The following TAFA2 variants were observed in gnomAD, a reference collection of about 807,000 sequenced individuals.
The protein encoded by TAFA2 is TAFA chemokine like family member 2.
In TAFA2, 7 loss-of-function variants were observed where a neutral mutation model predicts 18.8. That is an observed-to-expected ratio of 0.37 (90% confidence interval 0.21 to 0.70). The LOEUF (loss-of-function observed/expected upper bound fraction) is 0.70, where lower values mean the gene tolerates loss of function less well. TAFA2 is among the 30% of genes least tolerant of loss of function. The probability of loss-of-function intolerance (pLI) is 0.53; values close to 1 mark genes in which losing one functional copy is unlikely to be tolerated. For synonymous variants in TAFA2, 60 were observed against 54.2 expected (o/e 1.11, Z -0.47); for missense variants, 122 against 158.1 (o/e 0.77, Z 1.23).
intron 1 of TAFA2, among the ~76,000 whole-genome samples, chr12:61,935,596 A>C (rs780273620): frequency 6.6e-6 from 1 of 152,220 alleles, no homozygotes; most frequent in Non-Finnish European, 1.5e-5. Context: ...AAAAAATAAT[A>C]TGAAATTCTT....
intron 1 of TAFA2, chr12:62,252,033 C>T (rs888774426): frequency 6.6e-6 from 1 of 152,196 alleles, no homozygotes; most frequent in African/African-American, 2.4e-5. Flanking sequence ...TACATAGATT[C>T]CATTGCAAAG....
intron 4 of TAFA2, among the ~76,000 whole-genome samples, chr12:61,749,614 T>C (rs1027929829): frequency 3.3e-5 from 5 of 152,142 alleles, no homozygotes; most frequent in Admixed American, 3.3e-4. Context: ...AATCAACTTA[T>C]ATTTGAAGGA....
chr12:61,930,155 T>A (rs1386521480), intron 1 of TAFA2, among the ~76,000 whole-genome samples: 1 of 150,960 alleles, frequency 6.6e-6, no homozygotes, highest in Non-Finnish European at 1.5e-5. Context: ...TTAATAATAA[T>A]AAAAAAATAA....
rs540872692 is a variant in TAFA2 at position 61,894,227 on chromosome 12, C to A, written c.-1-26801G>T. ...ACCAAAGTTGAGGTTTTTCTAAATACAAATTAGACATTCCTAAATAACATT... is the reference window on the plus strand; with the variant it reads ...ACCAAAGTTGAGGTTTTTCTAAATAAAAATTAGACATTCCTAAATAACATT... On this transcript the variant is annotated intron_variant, in intron 1 of 4. Coordinates refer to ENST00000416284, the MANE Select transcript of TAFA2 (RefSeq NM_178539.5). Among the ~76,000 whole-genome samples the A allele has an allele frequency of 2.0e-5, 3 of 152,252 alleles. No homozygotes were observed. The East Asian group carries it at 5.8e-4, about 29-fold the overall frequency.
chr12:61,894,470 C>G (rs761058873), intron 1 of TAFA2, among the ~76,000 whole-genome samples: 4 of 152,096 alleles, frequency 2.6e-5, no homozygotes, highest in Non-Finnish European at 5.9e-5. Context: ...GTTATAAATG[C>G]AGATTAGCAG....
chr12:61,886,981 A>G (rs184237482), intron 1 of TAFA2, among the ~76,000 whole-genome samples: 6 of 152,240 alleles, frequency 3.9e-5, no homozygotes, highest in African/African-American at 1.4e-4. Flanking sequence ...AAATAAGGAA[A>G]ATCATAATGC....
chr12:62,202,179 A>C (rs937890832), intron 1 of TAFA2, among the ~76,000 whole-genome samples: 1 of 151,900 alleles, frequency 6.6e-6, no homozygotes, highest in African/African-American at 2.4e-5. Flanking sequence ...ATTTTTTTCA[A>C]AAAACAAGCT....
intron 1 of TAFA2, among the ~76,000 whole-genome samples, chr12:62,157,204 T>C (rs1009061577): frequency 6.6e-6 from 1 of 152,218 alleles, no homozygotes; most frequent in Non-Finnish European, 1.5e-5. Context: ...AGACTTATTG[T>C]GTTTTTTTCT....
chr12:61,991,797 G>A (rs1880020362), intron 1 of TAFA2, among the ~76,000 whole-genome samples: 1 of 152,114 alleles, frequency 6.6e-6, no homozygotes, highest in Non-Finnish European at 1.5e-5. Flanking sequence ...CGCTAAAACA[G>A]CTCCTGTCAA....
intron 2 of TAFA2, among the ~76,000 whole-genome samples, chr12:61,829,310 G>A (rs181283189): frequency 4.0e-4 from 61 of 151,724 alleles, no homozygotes; most frequent in Admixed American, 6.6e-4. Flanking sequence ...TTTTAATGCC[G>A]TATCAGGCAT....
At chr12:61,888,624 G>T (rs984261090) in intron 1 of TAFA2, among the ~76,000 whole-genome samples, 2 of 152,200 alleles carry the variant, frequency 1.3e-5, no homozygotes, top group Admixed American at 1.3e-4. Context: ...GTGAGAGGGT[G>T]CGTTTAAAAG....
At chr12:62,033,453 C>G (rs1462822716) in intron 1 of TAFA2, among the ~76,000 whole-genome samples, 1 of 152,046 alleles carries the variant, frequency 6.6e-6, no homozygotes, top group Non-Finnish European at 1.5e-5. Flanking sequence ...TGATCAGATC[C>G]CAAAGACTCT....
At chr12:61,770,828 T>C (rs1411972048) in intron 2 of TAFA2, among the ~76,000 whole-genome samples, 1 of 151,628 alleles carries the variant, frequency 6.6e-6, no homozygotes, top group Non-Finnish European at 1.5e-5. Context: ...AATAATGAAA[T>C]GGAAAAAAGA....
chr12:62,123,251 A>G (rs753658733), intron 1 of TAFA2, among the ~76,000 whole-genome samples: 16 of 152,190 alleles, frequency 1.1e-4, no homozygotes, highest in Non-Finnish European at 2.2e-4. Flanking sequence ...TAGAAGCTCA[A>G]TAAGTCTGTT....
At chr12:61,879,976 T>A in intron 1 of TAFA2, 1 of 835,580 alleles carries the variant, frequency 1.2e-6, no homozygotes, top group Non-Finnish European at 2.1e-6. Flanking sequence ...AAGGGCTGAC[T>A]GATGAGATCA....
intron 1 of TAFA2, among the ~76,000 whole-genome samples, chr12:62,062,618 T>C (rs1882380688): frequency 6.6e-6 from 1 of 152,204 alleles, no homozygotes; most frequent in Non-Finnish European, 1.5e-5. Flanking sequence ...CCATAACAAA[T>C]TAACACAAAC....
At chr12:61,790,177 T>TA (rs1555165637) in intron 2 of TAFA2, among the ~76,000 whole-genome samples, 52,696 of 109,960 alleles carry the variant, frequency 0.48, 9,411 homozygotes, top group East Asian at 0.52. Flanking sequence ...CCCTTCATGA[T>TA]AAAAAAAAAA....
intron 1 of TAFA2, among the ~76,000 whole-genome samples, chr12:62,245,175 C>A (rs2062879281): frequency 6.6e-6 from 1 of 151,898 alleles, no homozygotes; most frequent in Non-Finnish European, 1.5e-5. Flanking sequence ...GATATGAAAT[C>A]AAAATTACAT....
At chr12:62,096,452 T>C (rs1592332772) in intron 1 of TAFA2, among the ~76,000 whole-genome samples, 1 of 152,102 alleles carries the variant, frequency 6.6e-6, no homozygotes, top group East Asian at 1.9e-4. Flanking sequence ...AACAAGAAAA[T>C]GCAGAACATT....
Sources: gnomAD v4.1 joint callset for allele counts (sites outside exome capture counted in the v4.1 genomes callset) on GRCh38, gnomAD v4.1.1 for gene constraint, MANE v1.5 for transcripts, NCBI Gene and HGNC (gene_info 2026-07-23, HGNC 2026-07-21) for gene names.